The following TNRC6B variants were observed in gnomAD, a reference collection of about 807,000 sequenced individuals.
TNRC6B encodes trinucleotide repeat containing adaptor 6B, also known as trinucleotide repeat-containing gene 6B protein.
A neutral mutation model predicts 203.6 loss-of-function variants in TNRC6B; 52 were observed. The observed-to-expected ratio is 0.26, with a 90% CI of 0.20 to 0.32. The LOEUF (loss-of-function observed/expected upper bound fraction) is 0.32, where lower values mean the gene tolerates loss of function less well. Among genes scored for constraint, TNRC6B ranks in the 10% least tolerant of loss-of-function variants. The pLI, the probability that TNRC6B is intolerant of heterozygous loss-of-function variation, is 1.00. For synonymous variants in TNRC6B, 838 were observed against 845.7 expected, an observed-to-expected ratio of 0.99 and a Z score of 0.16; for missense variants, 1,923 against 2,286.2, an observed-to-expected ratio of 0.84 and a Z score of 3.24.
At chr22:40,279,848 G>T (rs1404825006) in intron 9 of TNRC6B, 147 bp from the exon 10 acceptor site, 2 of 598,000 alleles carry the variant, frequency 3.3e-6, no homozygotes, top group Admixed American at 5.2e-5. Context: ...CTGGACCAAT[G>T]AGAGTTTGTC....
At chr22:40,188,075 G>A (rs2069226704) in intron 1 of TNRC6B, among the ~76,000 whole-genome samples, 1 of 152,100 alleles carries the variant, frequency 6.6e-6, no homozygotes, top group South Asian at 2.1e-4. Context: ...CAAAAAATTA[G>A]CTGGGCGCCT....
Position 40,270,156 on chromosome 22 carries a change from T to G in TNRC6B, c.2841T>G (p.Asn947Lys), listed in dbSNP as rs773086062. Residue 947 changes from asparagine (N) to lysine (K), a missense_variant, in exon 6 of 23, where the codon AAT becomes AAG. Transcript: ENST00000454349. ...AAAGCACACCACCTGCTCCAGATAATGGTACTTCCGCTTGGGGTGAGCCAA... is the reference window on the plus strand; with the variant it reads ...AAAGCACACCACCTGCTCCAGATAAGGGTACTTCCGCTTGGGGTGAGCCAA... Reference protein sequence around the residue: ...WSKSTPPAPDNGTSAWGEPNE... With the variant: ...WSKSTPPAPDKGTSAWGEPNE... 126 of 1,587,552 alleles carry G rather than the reference T, an allele frequency of 7.9e-5. No individual in the cohort carries two copies. The highest frequency in any genetic ancestry group is 1.0e-4 in the Non-Finnish European group (118 of 1,166,348).
intron 12 of TNRC6B, among the ~76,000 whole-genome samples, chr22:40,286,868 G>A (rs760828342): frequency 6.6e-6 from 1 of 152,214 alleles, no homozygotes; most frequent in Admixed American, 6.5e-5. Flanking sequence ...AGGATTCAGT[G>A]TGTGGCCTTA....
chr22:40,137,222 C>G (rs577922715), intron 3 of TNRC6B, among the ~76,000 whole-genome samples: 1 of 152,300 alleles, frequency 6.6e-6, no homozygotes, highest in East Asian at 1.9e-4. Context: ...TCTGCTTTAG[C>G]AAAAGTGATA....
chr22:40,300,172 A>AT (rs960261621), intron 12 of TNRC6B, among the ~76,000 whole-genome samples: 1 of 151,594 alleles, frequency 6.6e-6, no homozygotes. Flanking sequence ...ATTGTCATCA[A>AT]TTTTTTTTTC....
chr22:40,184,910 G>A (rs1283292787), intron 1 of TNRC6B, among the ~76,000 whole-genome samples: 1 of 152,210 alleles, frequency 6.6e-6, no homozygotes, highest in Admixed American at 6.5e-5. Context: ...TGAATCCTGA[G>A]ATATCCAGGT....
chr22:40,218,371 G>A (rs1724323136), intron 1 of TNRC6B, among the ~76,000 whole-genome samples: 1 of 127,112 alleles, frequency 7.9e-6, no homozygotes, highest in Admixed American at 1.1e-4. Context: ...CTGTCACTCA[G>A]GCTGGAGTGC....
chr22:40,151,720 A>C (rs1333104582), intron 3 of TNRC6B, among the ~76,000 whole-genome samples: 1 of 151,922 alleles, frequency 6.6e-6, no homozygotes, highest in Non-Finnish European at 1.5e-5. Flanking sequence ...CATATGTTAA[A>C]AGTTTTAGAA....
chr22:40,319,327 A>G (rs2071303064), intron 21 of TNRC6B, among the ~76,000 whole-genome samples: 1 of 150,628 alleles, frequency 6.6e-6, no homozygotes, highest in Non-Finnish European at 1.5e-5. Context: ...ATGATTTCTT[A>G]CCCTTGGTCA....
Position 40,221,759 on chromosome 22 carries a change from C to CG in TNRC6B, c.6-24256_6-24255insG, listed in dbSNP as rs991572502. On this transcript the variant is annotated intron_variant, in intron 1 of 22. Transcript: ENST00000454349. The stretch of plus-strand genomic sequence containing the variant: ...TGGCCCACCTTCTTATTGCCCCCCC[C>CG]CCTTTTTTTTTTTTGACTCCTGTCT... Among the ~76,000 whole-genome samples, 486 of 123,734 alleles carry CG rather than the reference C, an allele frequency of 3.9e-3. 4 individuals carry two copies. Among genetic ancestry groups the CG allele is most frequent in the Middle Eastern group, 0.015 (4 of 262 alleles). The allele number at this position is 123,734 out of a possible 152,430, so 81.2% of individuals were successfully genotyped here.
At chr22:40,056,621 C>G (rs1490265010) in intron 1 of TNRC6B, among the ~76,000 whole-genome samples, 2 of 151,766 alleles carry the variant, frequency 1.3e-5, no homozygotes, top group Non-Finnish European at 2.9e-5. Flanking sequence ...TAGTGAGACC[C>G]CCATCTCTAC....
At chr22:40,287,458 C>G (rs550346801) in intron 12 of TNRC6B, among the ~76,000 whole-genome samples, 77 of 152,238 alleles carry the variant, frequency 5.1e-4, no homozygotes, top group African/African-American at 1.8e-3. Flanking sequence ...CCTTCCTTGC[C>G]TCCCCGTCAT....
chr22:40,127,677 G>C (rs950897103), intron 3 of TNRC6B, among the ~76,000 whole-genome samples: 1 of 152,264 alleles, frequency 6.6e-6, no homozygotes, highest in East Asian at 1.9e-4. Context: ...TTCGAGACCA[G>C]CCTAGGCAAC....
chr22:40,154,890 T>TAC (rs2068805447), intron 3 of TNRC6B, among the ~76,000 whole-genome samples: 1 of 43,464 alleles, frequency 2.3e-5, no homozygotes. Flanking sequence ...TATATATATA[T>TAC]ATATACATAT....
intron 1 of TNRC6B, among the ~76,000 whole-genome samples, chr22:40,209,048 T>C (rs573192907): frequency 6.6e-6 from 1 of 152,356 alleles, no homozygotes; most frequent in East Asian, 1.9e-4. Flanking sequence ...TATCCCCTGT[T>C]CATTTTATTA....
Position 40,324,488 on chromosome 22 carries a change from G to GTTACA in TNRC6B, c.*1249_*1253dup, listed in dbSNP as rs1373287315. The GTTACA allele has an allele frequency of 6.6e-6, 1 of 152,614 alleles. No homozygotes were observed. Among genetic ancestry groups the GTTACA allele is most frequent in the Non-Finnish European group, 1.5e-5 (1 of 68,028 alleles). The allele number at this position is 152,614 out of a possible 1,614,324, so 9.5% of individuals were successfully genotyped here. The stretch of plus-strand genomic sequence containing the variant: ...TCTTCAAAAAATTAGGTGAAGTTGA[G>GTTACA]TTACATATTTCTGTTGGTTGGTTCT... On this transcript the variant is annotated 3_prime_UTR_variant, in exon 23 of 23. Coordinates refer to ENST00000454349, the MANE Select transcript of TNRC6B (RefSeq NM_001162501.2).
At chr22:40,075,436 T>C (rs973034915) in intron 1 of TNRC6B, among the ~76,000 whole-genome samples, 56 of 151,922 alleles carry the variant, frequency 3.7e-4, no homozygotes, top group African/African-American at 1.2e-3. Context: ...TTGTGTGATA[T>C]TAATATGGTC....
In TNRC6B at chr22:40,261,955, C is replaced by T. The variant is rs760307778; in HGVS notation, c.239C>T (p.Pro80Leu). 29 of 1,612,728 alleles carry T rather than the reference C, an allele frequency of 1.8e-5. No homozygotes were observed. The highest frequency in any genetic ancestry group is 3.3e-4 in the Middle Eastern group (2 of 6,056). Residue 80 changes from proline (P) to leucine (L), a missense_variant, in exon 4 of 23, where the codon CCG becomes CTG. Transcript: ENST00000454349. ...AKRVAVPNGQPPSAARYMPRE... is the reference protein window; with the variant it reads ...AKRVAVPNGQLPSAARYMPRE... ...AGGGTGGCAGTGCCGAACGGACAAC[C>T]GCCAAGCGCCGCCCGCTACATGCCT...
chr22:40,135,518 A>G (rs1036489619), intron 3 of TNRC6B, among the ~76,000 whole-genome samples: 1 of 152,190 alleles, frequency 6.6e-6, no homozygotes, highest in African/African-American at 2.4e-5. Context: ...TTTGTTTAAT[A>G]GAAACATGTT....
Sources: allele counts gnomAD v4.1 joint callset (sites outside exome capture counted in the v4.1 genomes callset), GRCh38; gene constraint gnomAD v4.1.1; transcripts MANE v1.5; gene names NCBI Gene and HGNC (gene_info 2026-07-23, HGNC 2026-07-21).